Variants in USP30 observed in about 807,000 individuals in gnomAD.
The protein encoded by USP30 is ubiquitin carboxyl-terminal hydrolase 30.
USP30 carries 41 observed loss-of-function variants against 68.2 expected under a neutral mutation model. The ratio of observed to expected loss-of-function variants is 0.60; its 90% CI spans 0.47 to 0.78. The LOEUF (loss-of-function observed/expected upper bound fraction) is 0.78, where lower values mean the gene tolerates loss of function less well. Among genes scored for constraint, USP30 ranks in the 30% least tolerant of loss-of-function variants. The pLI, the probability that USP30 is intolerant of heterozygous loss-of-function variation, is 0.00. For synonymous variants in USP30, 229 were observed against 253.7 expected, an observed-to-expected ratio of 0.90 and a Z score of 0.93; for missense variants, 522 against 649.4, an observed-to-expected ratio of 0.80 and a Z score of 2.13.
At chr12:109,080,189 CTG>C in intron 7 of USP30, among the ~76,000 whole-genome samples, 1 of 152,290 alleles carries the variant, frequency 6.6e-6, no homozygotes, top group East Asian at 1.9e-4. Flanking sequence ...CTCATCCCCT[CTG>C]TGTCTCCTTT....
intron 11 of USP30, among the ~76,000 whole-genome samples, chr12:109,084,364 C>T (rs1025253774): frequency 6.6e-5 from 10 of 152,152 alleles, no homozygotes; most frequent in Admixed American, 3.9e-4. Flanking sequence ...TGCTATTACA[C>T]GTTGGTATTC....
chr12:109,036,509 G>C (rs1354264583), intron 3 of USP30, among the ~76,000 whole-genome samples: 2 of 151,962 alleles, frequency 1.3e-5, no homozygotes, highest in African/African-American at 4.8e-5. Context: ...TGTTGGCCTG[G>C]CAGGTCTCAA....
At chr12:109,028,992 A>C (rs2040463434) in intron 3 of USP30, among the ~76,000 whole-genome samples, 1 of 152,250 alleles carries the variant, frequency 6.6e-6, no homozygotes, top group South Asian at 2.1e-4. Flanking sequence ...TTGATGTATA[A>C]TTAAAATGTT....
chr12:109,027,073 T>C (rs7973633), intron 2 of USP30, among the ~76,000 whole-genome samples: 6,432 of 152,172 alleles, frequency 0.042, 464 homozygotes, highest in African/African-American at 0.15. Flanking sequence ...ACATTTGGGG[T>C]GGACACAAAC....
intron 3 of USP30, among the ~76,000 whole-genome samples, chr12:109,045,220 C>T (rs1470379782): frequency 3.3e-5 from 5 of 152,130 alleles, no homozygotes; most frequent in African/African-American, 1.2e-4. Context: ...CTCGGGTGAT[C>T]CACCCGCCTC....
intron 4 of USP30, among the ~76,000 whole-genome samples, chr12:109,068,543 AT>A: frequency 6.6e-6 from 1 of 152,292 alleles, no homozygotes; most frequent in African/African-American, 2.4e-5. Flanking sequence ...AGTTAATCCA[AT>A]TGTATGTTGC....
intron 7 of USP30, among the ~76,000 whole-genome samples, chr12:109,078,814 C>T (rs1007578819): frequency 1.3e-5 from 2 of 152,170 alleles, no homozygotes; most frequent in Admixed American, 1.3e-4. Context: ...GTCTTGCCTT[C>T]ATTTTTGAAG....
Position 109,070,107 on chromosome 12 carries a change from G to C in USP30, c.481-1505G>C, listed in dbSNP as rs2041389711. Among the ~76,000 whole-genome samples, 1 of 152,096 alleles carries C rather than the reference G, an allele frequency of 6.6e-6. No homozygotes were observed. The highest frequency in any genetic ancestry group is 2.4e-5 in the African/African-American group (1 of 41,398). Reference sequence around the variant, plus strand: ...GAGCCACTAGAGGACTTTGAACTGGGGACTGGTTTGATCTGACTTGTTAGA... The same window carrying C: ...GAGCCACTAGAGGACTTTGAACTGGCGACTGGTTTGATCTGACTTGTTAGA... On this transcript the variant is annotated intron_variant, in intron 4 of 12. Transcript: ENST00000257548. The surrounding 1 kb of genome is among the most constrained non-coding windows in gnomAD (Gnocchi z 4.0).
intron 3 of USP30, among the ~76,000 whole-genome samples, chr12:109,035,788 T>A (rs945870913): frequency 2.0e-5 from 3 of 152,256 alleles, no homozygotes. Flanking sequence ...TCTTTAGGCA[T>A]TGTGTGCCCA....
Position 109,079,339 on chromosome 12 carries a change from C to CTTTTTTTTTTCTTTT in USP30, c.721-1985_721-1984insCTTTTTTTTTTTTTT, listed in dbSNP as rs2041713719. Among the ~76,000 whole-genome samples, 151 of 62,226 alleles carry CTTTTTTTTTTCTTTT rather than the reference C, an allele frequency of 2.4e-3. 4 individuals are homozygous for CTTTTTTTTTTCTTTT. The highest frequency in any genetic ancestry group is 0.012 in the Middle Eastern group (1 of 84). The allele number at this position is 62,226 out of a possible 152,430, so 40.8% of individuals were successfully genotyped here. On this transcript the variant is annotated intron_variant, in intron 7 of 12. Coordinates refer to ENST00000257548, the MANE Select transcript of USP30 (RefSeq NM_032663.5). ...TTTTCTCTTTTTTTCTTTTCTTTTT[C>CTTTTTTTTTTCTTTT]TTTTTTTTTTTCTTTTTTTTTTTTT...
chr12:109,050,612 T>C (rs1486945576), upstream of USP30, among the ~76,000 whole-genome samples: 1 of 152,090 alleles, frequency 6.6e-6, no homozygotes, highest in Non-Finnish European at 1.5e-5. Flanking sequence ...CTCTAATGCT[T>C]TATAAACTGT....
At chr12:109,047,386 A>C (rs1434590959) in intron 3 of USP30, among the ~76,000 whole-genome samples, 1 of 152,130 alleles carries the variant, frequency 6.6e-6, no homozygotes, top group Non-Finnish European at 1.5e-5. Flanking sequence ...TACAACAAAC[A>C]GTTCTGACAT....
intron 4 of USP30, 45 bp from the exon 5 acceptor site, chr12:109,071,567 C>T: frequency 6.4e-7 from 1 of 1,565,226 alleles, no homozygotes; most frequent in Non-Finnish European, 8.8e-7. Context: ...TGATCTTGCT[C>T]TTGCCTCTTC....
At chr12:109,084,622 G>T (rs1189098614) in intron 11 of USP30, among the ~76,000 whole-genome samples, 1 of 152,230 alleles carries the variant, frequency 6.6e-6, no homozygotes, top group Non-Finnish European at 1.5e-5. Flanking sequence ...CTGCTGTTGA[G>T]AAACCTTGGT....
At position 109,057,991 on chromosome 12, in the gene USP30, T is replaced by G; in HGVS notation, c.259T>G (p.Ser87Ala). The G allele has an allele frequency of 6.2e-7, 1 of 1,614,206 alleles. No homozygotes were observed. The highest frequency in any genetic ancestry group is 1.1e-5 in the South Asian group (1 of 91,088). Reference sequence around the variant, plus strand: ...CATGAACTCCCTGCTACAAGGCCTGTCTGCCTGTCCTGCTTTCATCAGGTG... The same window carrying G: ...CATGAACTCCCTGCTACAAGGCCTGGCTGCCTGTCCTGCTTTCATCAGGTG... ...CFMNSLLQGLSACPAFIRWLE... is the reference protein window; with the variant it reads ...CFMNSLLQGLAACPAFIRWLE... The change falls in exon 3 of 13, where the codon TCT becomes GCT. Residue 87 changes from serine to alanine, a missense_variant. By Grantham distance (99) the Ser-to-Ala change is moderately conservative. Transcript: ENST00000257548.
At chr12:109,053,295 T>C (rs1041759926) in intron 1 of USP30, among the ~76,000 whole-genome samples, 2 of 152,140 alleles carry the variant, frequency 1.3e-5, no homozygotes, top group African/African-American at 4.8e-5. Context: ...GGATCGCCAC[T>C]TCTGTCTGGG....
chr12:109,046,856 C>T lies in USP30; in HGVS notation c.-135-734C>T, dbSNP rs375965054. ...GGATTACAGGTGTGCGCCATCATGC[C>T]CAGCTAATTTTTGTATTTTTAGTAG... On this transcript the variant is annotated intron_variant, in intron 3 of 15. Transcript: ENST00000392784. Among the ~76,000 whole-genome samples, 40 of 152,210 alleles carry T rather than the reference C, an allele frequency of 2.6e-4. No individual in the cohort carries two copies. The South Asian group carries it at 7.9e-3, about 30-fold the overall frequency.
At chr12:109,045,754 G>T (rs1247352277) in intron 3 of USP30, among the ~76,000 whole-genome samples, 1 of 152,138 alleles carries the variant, frequency 6.6e-6, no homozygotes, top group Non-Finnish European at 1.5e-5. Flanking sequence ...TGTTTCAGGT[G>T]AGGAAACTGT....
chr12:109,037,013 C>T (rs1279824746), intron 3 of USP30, among the ~76,000 whole-genome samples: 2 of 151,960 alleles, frequency 1.3e-5, no homozygotes, highest in Non-Finnish European at 2.9e-5. Flanking sequence ...GGTATTTTTT[C>T]TTCCCTTTTG....
Sources: gnomAD v4.1 joint callset for allele counts (sites outside exome capture counted in the v4.1 genomes callset) on GRCh38, gnomAD v4.1.1 for gene constraint, Gnocchi (gnomAD v3.1) non-coding constraint, MANE v1.5 for transcripts, NCBI Gene and HGNC (gene_info 2026-07-23, HGNC 2026-07-21) for gene names.